The following FILIP1L variants were observed in gnomAD, a reference collection of about 807,000 sequenced individuals.
FILIP1L encodes filamin A interacting protein 1 like, also known as filamin A-interacting protein 1-like.
In FILIP1L, 55 loss-of-function variants were observed where a neutral mutation model predicts 96.6. The ratio of observed to expected loss-of-function variants is 0.57; its 90% CI spans 0.46 to 0.71. The LOEUF (loss-of-function observed/expected upper bound fraction) is 0.71. FILIP1L is among the 30% of genes least tolerant of loss of function. The pLI is 0.00. For missense variants in FILIP1L, 1,304 were observed against 1,321.2 expected (o/e 0.99, Z 0.20); for synonymous variants, 467 against 473.9 (o/e 0.99, Z 0.19).
intron 1 of FILIP1L, among the ~76,000 whole-genome samples, chr3:100,001,611 G>A (rs1181084810): frequency 6.6e-6 from 1 of 152,164 alleles, no homozygotes; most frequent in Non-Finnish European, 1.5e-5. Flanking sequence ...GGGAGTGGGA[G>A]ACATGTTCCA....
At position 99,849,037 on chromosome 3, in the gene FILIP1L, G is replaced by A. The variant is rs752759338; in HGVS notation, c.2639C>T (p.Thr880Ile). ...TTGCACAAAGTTGGCATTGGGTTTA[G>A]TTTGCATTTTTCCATTCTGAAGATG... ...EGHLQNGKMQ[T>I]KPNANFVQPG... The change falls in exon 5 of 6, where the codon ACT becomes ATT. Residue 880 changes from threonine to isoleucine, a missense_variant. By Grantham distance (89) the Thr-to-Ile change is moderately conservative. Transcript: ENST00000477258. 30 of 1,614,004 alleles carry A rather than the reference G, an allele frequency of 1.9e-5. No homozygotes were observed. In the Admixed American group the frequency reaches 5.0e-4, roughly 27 times the overall value.
At chr3:99,965,308 T>A (rs929942323) in intron 1 of FILIP1L, among the ~76,000 whole-genome samples, 1 of 152,228 alleles carries the variant, frequency 6.6e-6, no homozygotes, top group African/African-American at 2.4e-5. Context: ...TAATTTTTTA[T>A]CAAGAATGAA....
At chr3:99,943,671 T>C (rs1034175450) in intron 1 of FILIP1L, among the ~76,000 whole-genome samples, 1 of 151,782 alleles carries the variant, frequency 6.6e-6, no homozygotes, top group Non-Finnish European at 1.5e-5. Flanking sequence ...GCCACTGCAC[T>C]CCAGCCTGGG....
chr3:99,835,752 A>G (rs2107494119), intron 5 of FILIP1L, among the ~76,000 whole-genome samples: 1 of 152,336 alleles, frequency 6.6e-6, no homozygotes, highest in South Asian at 2.1e-4. Flanking sequence ...GGGGTAACAA[A>G]TAATTATGAG....
rs149549373 is a variant in FILIP1L, at chr3:100,031,895, A to G, written c.-11+82158T>C. On this transcript the variant is annotated intron_variant, in intron 1 of 5. Transcript: ENST00000477258. The stretch of plus-strand genomic sequence containing the variant: ...TAAACTAGGTCAAAATCAGCCAAAG[A>G]CAATACATAAATTAATGAGCATGGC... 4.6e-3 allele frequency among the ~76,000 whole-genome samples: 707 copies of G among 152,358 alleles called. 2 individuals carry two copies. Among genetic ancestry groups the G allele is most frequent in the South Asian group, 7.0e-3 (34 of 4,832 alleles).
intron 1 of FILIP1L, among the ~76,000 whole-genome samples, chr3:99,971,270 G>A (rs900824574): frequency 9.2e-4 from 140 of 151,640 alleles, no homozygotes; most frequent in Middle Eastern, 3.4e-3. Context: ...AACCCGGGGC[G>A]CGGAGCTTGC....
chr3:100,086,645 G>T (rs1192335806), intron 1 of FILIP1L, among the ~76,000 whole-genome samples: 1 of 152,024 alleles, frequency 6.6e-6, no homozygotes, highest in Admixed American at 6.6e-5. Context: ...TTAGTGTAGA[G>T]CCTCTTTAAA....
intron 4 of FILIP1L, among the ~76,000 whole-genome samples, chr3:99,900,057 G>A (rs1236906078): frequency 1.3e-5 from 2 of 152,204 alleles, no homozygotes; most frequent in Middle Eastern, 3.2e-3. Flanking sequence ...ATGTGAAAGC[G>A]ATTTGAAAAG....
intron 4 of FILIP1L, among the ~76,000 whole-genome samples, chr3:99,889,504 A>T (rs1306741481): frequency 2.0e-5 from 3 of 152,194 alleles, no homozygotes; most frequent in Non-Finnish European, 2.9e-5. Context: ...GCTAGGAATT[A>T]TAATTGTTAA....
chr3:99,854,520 T>C (rs1943859504), intron 4 of FILIP1L, among the ~76,000 whole-genome samples: 3 of 152,198 alleles, frequency 2.0e-5, no homozygotes, highest in Admixed American at 1.3e-4. Context: ...TATGTGCCTT[T>C]ATACAGGGAT....
intron 1 of FILIP1L, among the ~76,000 whole-genome samples, chr3:99,968,123 T>C (rs993376305): frequency 6.6e-6 from 1 of 152,192 alleles, no homozygotes; most frequent in African/African-American, 2.4e-5. Flanking sequence ...CAAGGGCACC[T>C]AGCCTTACGT....
intron 1 of FILIP1L, among the ~76,000 whole-genome samples, chr3:99,955,507 A>T (rs1708295935): frequency 6.6e-6 from 1 of 152,238 alleles, no homozygotes; most frequent in Admixed American, 6.5e-5. Flanking sequence ...AAGTTGAATC[A>T]GGAAGCCAGT....
At position 99,839,616 on chromosome 3, in the gene FILIP1L, C is replaced by T. The variant is rs115467788; in HGVS notation, c.3381+8679G>A. 4.5e-3 allele frequency among the ~76,000 whole-genome samples: 683 copies of T among 152,222 alleles called. 7 individuals are homozygous for T. Among genetic ancestry groups the T allele is most frequent in the African/African-American group, 0.016 (669 of 41,528 alleles). ...TCTAGACTCTTATTTCTCCCAAGGG[C>T]ACATGAAAAATGGAAAGCTCTAGTT... On this transcript the variant is annotated intron_variant, in intron 5 of 5. Transcript: ENST00000477258.
intron 1 of FILIP1L, among the ~76,000 whole-genome samples, chr3:99,983,375 A>AAAAT (rs201845792): frequency 4.3e-4 from 22 of 51,250 alleles, no homozygotes; most frequent in African/African-American, 1.3e-3. Flanking sequence ...CTCTACTTAA[A>AAAAT]AAATAAATAA....
intron 1 of FILIP1L, among the ~76,000 whole-genome samples, chr3:100,098,068 C>G (rs530345018): frequency 6.6e-6 from 1 of 152,230 alleles, no homozygotes; most frequent in South Asian, 2.1e-4. Flanking sequence ...GCAACAAGAT[C>G]ATAGGTCAGG....
intron 1 of FILIP1L, among the ~76,000 whole-genome samples, chr3:99,983,563 A>G (rs1266510461): frequency 2.8e-5 from 4 of 142,570 alleles, no homozygotes; most frequent in Non-Finnish European, 4.6e-5. Flanking sequence ...GGTGGCAGGT[A>G]CCTGTAATCC....
At chr3:99,932,664 C>T (rs1559693682) in intron 1 of FILIP1L, among the ~76,000 whole-genome samples, 3 of 152,020 alleles carry the variant, frequency 2.0e-5, no homozygotes, top group Non-Finnish European at 2.9e-5. Context: ...CCGAGGCAGG[C>T]GGATTACCCG....
intron 4 of FILIP1L, among the ~76,000 whole-genome samples, chr3:99,876,887 T>A (rs1157198725): frequency 2.6e-5 from 4 of 152,168 alleles, no homozygotes; most frequent in African/African-American, 9.7e-5. Flanking sequence ...TTAAAGAAAT[T>A]AAATGTTTTG....
intron 4 of FILIP1L, among the ~76,000 whole-genome samples, chr3:99,899,332 A>G (rs1396440672): frequency 6.6e-6 from 1 of 152,174 alleles, no homozygotes; most frequent in Non-Finnish European, 1.5e-5. Flanking sequence ...TGTTTTGGTC[A>G]TTTCTTATTA....
Sources: gnomAD v4.1 joint callset for allele counts (sites outside exome capture counted in the v4.1 genomes callset) on GRCh38, gnomAD v4.1.1 for gene constraint, MANE v1.5 for transcripts, NCBI Gene and HGNC (gene_info 2026-07-23, HGNC 2026-07-21) for gene names.